The following NXN variants were observed in gnomAD, a reference collection of about 807,000 sequenced individuals.
The protein encoded by NXN is nucleoredoxin 1.
NXN carries 16 observed loss-of-function variants against 48.6 expected under a neutral mutation model. The observed-to-expected ratio is 0.33, with a 90% CI of 0.22 to 0.50. NXN has a LOEUF of 0.50. Among genes scored for constraint, NXN ranks in the 20% least tolerant of loss-of-function variants. The pLI, the probability that NXN is intolerant of heterozygous loss-of-function variation, is 0.98. For synonymous variants in NXN, 281 were observed against 269.6 expected (o/e 1.04, Z -0.41); for missense variants, 492 against 605.5 (o/e 0.81, Z 1.97).
At chr17:909,646 C>T (rs2068616373) in intron 1 of NXN, 1 of 151,032 alleles carries the variant, frequency 6.6e-6, no homozygotes, top group Admixed American at 6.6e-5. Flanking sequence ...TCACGCCATT[C>T]TCCTGCCTCA....
rs377469695 is a variant in NXN at position 876,421 on chromosome 17, G to A, written c.361-50343C>T. Among the ~76,000 whole-genome samples, 62 of 152,256 alleles carry A rather than the reference G, an allele frequency of 4.1e-4. 2 individuals carry two copies. The highest frequency in any genetic ancestry group is 1.4e-3 in the African/African-American group (58 of 41,556). ...CAAGGAAGTCAACACAGGCTACGAC[G>A]TACAGGACTCCCAATCCGGCTCATG... On this transcript the variant is annotated intron_variant, in intron 1 of 7. Transcript: ENST00000336868.
At chr17:859,922 G>A (rs952739740) in intron 1 of NXN, among the ~76,000 whole-genome samples, 7 of 152,072 alleles carry the variant, frequency 4.6e-5, no homozygotes, top group Admixed American at 3.9e-4. Flanking sequence ...GGTCATAGCC[G>A]ATCCTGAGAA....
At chr17:852,273 A>ACAGCCT (rs1039038425) in intron 1 of NXN, among the ~76,000 whole-genome samples, 10 of 152,184 alleles carry the variant, frequency 6.6e-5, no homozygotes, top group South Asian at 6.2e-4. Context: ...TGCCTCAGCC[A>ACAGCCT]CAGCCTCAGC....
At chr17:885,301 C>T (rs1026846036) in intron 1 of NXN, among the ~76,000 whole-genome samples, 1 of 152,006 alleles carries the variant, frequency 6.6e-6, no homozygotes, top group Non-Finnish European at 1.5e-5. Flanking sequence ...AACATGGTGA[C>T]ACCTCGTCTC....
At chr17:888,706 G>C (rs1597696752) in intron 1 of NXN, among the ~76,000 whole-genome samples, 2 of 151,854 alleles carry the variant, frequency 1.3e-5, no homozygotes, top group East Asian at 3.9e-4. Flanking sequence ...TGTAATCCCA[G>C]CACTTTGGGA....
At chr17:895,810 AAAAC>A (rs143961876) in intron 1 of NXN, among the ~76,000 whole-genome samples, 4 of 139,766 alleles carry the variant, frequency 2.9e-5, no homozygotes, top group Non-Finnish European at 4.6e-5. Flanking sequence ...GTTTGTCTCA[AAAAC>A]AAACAAACAA....
chr17:912,617 C>A (rs372299892), intron 1 of NXN, among the ~76,000 whole-genome samples: 16 of 152,020 alleles, frequency 1.1e-4, no homozygotes, highest in African/African-American at 3.9e-4. Flanking sequence ...ATTCTTTACC[C>A]AAATTGATTT....
rs2068722847 is a variant in NXN at position 919,416 on chromosome 17, T to C, written c.360+59903A>G. 6.6e-6 allele frequency among the ~76,000 whole-genome samples: 1 copy of C among 152,182 alleles called. No individual in the cohort carries two copies. The highest frequency in any genetic ancestry group is 1.5e-5 in the Non-Finnish European group (1 of 68,032). On this transcript the variant is annotated intron_variant, in intron 1 of 7. Transcript: ENST00000336868. This position sits in a 1 kb window ranked among gnomAD's most constrained non-coding sequence, Gnocchi z 5.1. ...GATTATTCCAATTAAACAGCTTTTATTACAATACTCTGTCAATGCAGGGCA... is the reference window on the plus strand; with the variant it reads ...GATTATTCCAATTAAACAGCTTTTACTACAATACTCTGTCAATGCAGGGCA...
At chr17:896,856 C>CCGGGGGGGGGGGGGGGGGGG in intron 1 of NXN, 1 of 1,156,930 alleles carries the variant, frequency 8.6e-7, no homozygotes, top group Non-Finnish European at 1.1e-6. Context: ...CGGTCCTGAC[C>CCGGGGGGGGGGGGGGGGGGG]ACCCGCCCCC....
chr17:806,382 G>A (rs541904044), intron 5 of NXN, among the ~76,000 whole-genome samples: 4 of 150,740 alleles, frequency 2.7e-5, no homozygotes, highest in African/African-American at 7.3e-5. Context: ...CAGAAACCGC[G>A]CAACCCCAGC....
At chr17:806,885 T>C (rs535463535) in intron 5 of NXN, among the ~76,000 whole-genome samples, 1 of 152,178 alleles carries the variant, frequency 6.6e-6, no homozygotes, top group African/African-American at 2.4e-5. Context: ...GAACAGGCTC[T>C]TGAGAACAGC....
At position 830,446 on chromosome 17, in the gene NXN, G is replaced by A. The variant is rs572550270; in HGVS notation, c.361-4368C>T. 5.3e-5 allele frequency among the ~76,000 whole-genome samples: 8 copies of A among 152,126 alleles called. No individual in the cohort carries two copies. In the South Asian group the frequency reaches 6.2e-4, roughly 12 times the overall value. ...GGCAGCGTGGATTCCAGAGACAGGC[G>A]TCCGGGAGGAATGACATTTGGGCAC... On this transcript the variant is annotated intron_variant, in intron 1 of 7. Transcript: ENST00000336868. The surrounding 1 kb of genome is among the most constrained non-coding windows in gnomAD (Gnocchi z 4.2).
At chr17:903,196 AGTTTTTTT>A (rs1202936240) in intron 1 of NXN, among the ~76,000 whole-genome samples, 9 of 151,808 alleles carry the variant, frequency 5.9e-5, no homozygotes, top group South Asian at 2.1e-4. Context: ...TTCTGCTACA[AGTTTTTTT>A]GTTTTTTTGT....
intron 1 of NXN, among the ~76,000 whole-genome samples, chr17:853,725 T>TATATATATATATATA (rs1244981485): frequency 9.3e-5 from 8 of 85,936 alleles, no homozygotes; most frequent in African/African-American, 1.7e-4. Flanking sequence ...ATATATATAT[T>TATATATATATATATA]TTTTTTTTTT....
intron 1 of NXN, among the ~76,000 whole-genome samples, chr17:915,152 C>T (rs145452301): frequency 0.015 from 2,277 of 152,150 alleles, 32 homozygotes; most frequent in Middle Eastern, 0.02. Context: ...GCCAGGCTGG[C>T]CTCGAACTTC....
At chr17:863,814 G>C (rs1345709225) in intron 1 of NXN, 1 of 741,016 alleles carries the variant, frequency 1.3e-6, no homozygotes, top group African/African-American at 1.7e-5. Flanking sequence ...CATACAAATG[G>C]ACCCTTGCAA....
chr17:884,442 C>T (rs1009283564), intron 1 of NXN, among the ~76,000 whole-genome samples: 1 of 151,908 alleles, frequency 6.6e-6, no homozygotes, highest in African/African-American at 2.4e-5. Flanking sequence ...CAGAGAGATT[C>T]GGGGAACTGT....
rs2068478603 is a variant in NXN at position 895,854 on chromosome 17, T to C, written c.361-69776A>G. 1.3e-5 allele frequency among the ~76,000 whole-genome samples: 2 copies of C among 151,762 alleles called. 1 individual carries two copies. The highest frequency in any genetic ancestry group is 4.2e-4 in the South Asian group (2 of 4,798). ...AAAAACTAATTTTTCCCAACATCATTAATTCTTCTCAACAATGTAGTATCT... is the reference window on the plus strand; with the variant it reads ...AAAAACTAATTTTTCCCAACATCATCAATTCTTCTCAACAATGTAGTATCT... On this transcript the variant is annotated intron_variant, in intron 1 of 7. Transcript: ENST00000336868.
chr17:971,805 C>T (rs1480496872), intron 1 of NXN, among the ~76,000 whole-genome samples: 1 of 152,192 alleles, frequency 6.6e-6, no homozygotes, highest in Non-Finnish European at 1.5e-5. Flanking sequence ...AAATTCAATG[C>T]AACACAGAAA....
Sources: allele counts gnomAD v4.1 joint callset (sites outside exome capture counted in the v4.1 genomes callset), GRCh38; gene constraint gnomAD v4.1.1; non-coding constraint Gnocchi (gnomAD v3.1); transcripts MANE v1.5; gene names NCBI Gene and HGNC (gene_info 2026-07-23, HGNC 2026-07-21).